The following GSE1 variants were observed in gnomAD, a reference collection of about 807,000 sequenced individuals.
GSE1 encodes the protein Gse1 coiled-coil protein.
Under a neutral mutation model 112.6 loss-of-function variants are expected in GSE1, and 32 were observed. That is an observed-to-expected ratio of 0.28 (90% CI 0.21 to 0.38). The LOEUF (loss-of-function observed/expected upper bound fraction) is 0.38, where lower values mean the gene tolerates loss of function less well. GSE1 is among the 10% of genes least tolerant of loss of function. GSE1 has a pLI of 1.00. For missense variants in GSE1, 2,348 were observed against 1,699.2 expected, an observed-to-expected ratio of 1.38 and a Z score of -6.71; for synonymous variants, 1,115 against 735.6, an observed-to-expected ratio of 1.52 and a Z score of -8.35.
chr16:85,354,162 T>C (rs1028297914), intron 1 of GSE1, among the ~76,000 whole-genome samples: 2 of 152,226 alleles, frequency 1.3e-5, no homozygotes, highest in Non-Finnish European at 2.9e-5. Flanking sequence ...ATAGTACTTG[T>C]CATCTGTGCT....
intron 2 of GSE1, among the ~76,000 whole-genome samples, chr16:85,511,837 GCCCTGC>G: frequency 6.6e-6 from 1 of 152,168 alleles, no homozygotes; most frequent in Admixed American, 6.5e-5. Flanking sequence ...AGGGAGCAGG[GCCCTGC>G]CTCTGCCTTG....
intron 2 of GSE1, among the ~76,000 whole-genome samples, chr16:85,365,237 C>T (rs1426832011): frequency 6.6e-6 from 1 of 152,216 alleles, no homozygotes; most frequent in Non-Finnish European, 1.5e-5. Flanking sequence ...GGAGACCAGC[C>T]TTAGAGATCA....
intron 1 of GSE1, among the ~76,000 whole-genome samples, chr16:85,631,126 G>A (rs928968752): frequency 2.0e-5 from 3 of 152,336 alleles, no homozygotes; most frequent in East Asian, 3.9e-4. Flanking sequence ...ATTGATGTCC[G>A]TGTGGGTCCC....
intron 2 of GSE1, among the ~76,000 whole-genome samples, chr16:85,403,051 C>A (rs552894852): frequency 7.9e-5 from 12 of 151,374 alleles, no homozygotes; most frequent in Admixed American, 2.0e-4. Flanking sequence ...GAAGGCTTGG[C>A]TGGGGAAGGA....
At chr16:85,382,967 A>G (rs536646397) in intron 2 of GSE1, among the ~76,000 whole-genome samples, 8 of 148,180 alleles carry the variant, frequency 5.4e-5, no homozygotes, top group South Asian at 4.2e-4. Context: ...GTGCACACAC[A>G]TGCACGCTCA....
intron 2 of GSE1, among the ~76,000 whole-genome samples, chr16:85,414,697 C>T (rs1179987183): frequency 4.6e-5 from 7 of 152,164 alleles, no homozygotes; most frequent in East Asian, 1.9e-4. Context: ...TGCAATGTTG[C>T]GATCTTGGCT....
At chr16:85,587,184 A>G (rs940232369) in intron 1 of GSE1, among the ~76,000 whole-genome samples, 3 of 147,980 alleles carry the variant, frequency 2.0e-5, no homozygotes, top group Non-Finnish European at 3.0e-5. Flanking sequence ...CCCCCCCCAG[A>G]CCAGACCCCA....
chr16:85,169,529 G>C (rs1467299387), exon 1 of GSE1: 1 of 912,088 alleles, frequency 1.1e-6, no homozygotes, highest in African/African-American at 1.8e-5. Flanking sequence ...GCGGCCATGA[G>C]CGGGCGGCCG....
At chr16:85,553,171 G>C (rs74031839), upstream of GSE1, among the ~76,000 whole-genome samples, 1 of 150,906 alleles carries the variant, frequency 6.6e-6, no homozygotes, top group African/African-American at 2.4e-5. Context: ...AGATCATGCA[G>C]CTCGCGGGTG....
chr16:85,430,847 G>A (rs1480073487), intron 2 of GSE1, among the ~76,000 whole-genome samples: 1 of 152,250 alleles, frequency 6.6e-6, no homozygotes, highest in Non-Finnish European at 1.5e-5. Flanking sequence ...GGCAAATGCA[G>A]GTTGCCGGGC....
chr16:85,174,020 G>A (rs1038283886), intron 1 of GSE1, among the ~76,000 whole-genome samples: 17 of 152,150 alleles, frequency 1.1e-4, no homozygotes, highest in Admixed American at 9.2e-4. Flanking sequence ...TATCTGAGGT[G>A]GGTTTTGAAC....
chr16:85,361,014 G>T (rs2047061233), intron 2 of GSE1, among the ~76,000 whole-genome samples: 1 of 151,848 alleles, frequency 6.6e-6, no homozygotes, highest in African/African-American at 2.4e-5. Flanking sequence ...TCCTCGCATA[G>T]GTGGATACAA....
rs1471113917 is a variant in GSE1 at position 85,373,194 on chromosome 16, C to A, written c.2464+15551C>A. Among the ~76,000 whole-genome samples the A allele has an allele frequency of 6.6e-6, 1 of 152,172 alleles. No homozygotes were observed. Among genetic ancestry groups the A allele is most frequent in the Non-Finnish European group, 1.5e-5 (1 of 68,018 alleles). ...GGCTCCTTGTCCACCAGGGTGGGTG[C>A]CAGGCGCCTGGTAGCAGGCCCAGCT... On this transcript the variant is annotated intron_variant, in intron 2 of 2. Coordinates refer to the GSE1 transcript ENST00000637419. This position sits in a 1 kb window ranked among gnomAD's most constrained non-coding sequence, Gnocchi z 5.1.
At chr16:85,447,490 G>A (rs1235718817) in intron 2 of GSE1, among the ~76,000 whole-genome samples, 2 of 152,228 alleles carry the variant, frequency 1.3e-5, no homozygotes, top group East Asian at 1.9e-4. Context: ...CTGTGAGGAC[G>A]GAGGACTCAG....
At chr16:85,560,261 A>C in intron 1 of GSE1, among the ~76,000 whole-genome samples, 1 of 150,680 alleles carries the variant, frequency 6.6e-6, no homozygotes, top group East Asian at 2.0e-4. Context: ...TCAGCCTCCC[A>C]AGTAGCTGGG....
chr16:85,249,828 C>G (rs956091133), intron 1 of GSE1, among the ~76,000 whole-genome samples: 4 of 152,232 alleles, frequency 2.6e-5, no homozygotes, highest in African/African-American at 9.6e-5. Context: ...GGCAGGTGGG[C>G]AGGGAGATGC....
chr16:85,610,308 G>A (rs571953678), upstream of GSE1, among the ~76,000 whole-genome samples: 1 of 152,360 alleles, frequency 6.6e-6, no homozygotes, highest in South Asian at 2.1e-4. Context: ...AATGGGAGTG[G>A]AGGGTGGGAA....
intron 1 of GSE1, among the ~76,000 whole-genome samples, chr16:85,556,761 C>A (rs1354101488): frequency 1.4e-5 from 2 of 145,780 alleles, no homozygotes; most frequent in South Asian, 2.3e-4. Flanking sequence ...CCCCCCCCCC[C>A]CCAGTCCTGG....
intron 14 of GSE1, among the ~76,000 whole-genome samples, chr16:85,669,463 C>T (rs568968547): frequency 2.0e-5 from 3 of 152,208 alleles, no homozygotes; most frequent in African/African-American, 4.8e-5. Context: ...AACAAACGCC[C>T]ATGTAGCCAC....
Sources: gnomAD v4.1 joint callset for allele counts (sites outside exome capture counted in the v4.1 genomes callset) on GRCh38, gnomAD v4.1.1 for gene constraint, Gnocchi (gnomAD v3.1) non-coding constraint, MANE v1.5 for transcripts, NCBI Gene and HGNC (gene_info 2026-07-23, HGNC 2026-07-21) for gene names.